Variants in HRH1 observed in about 807,000 individuals in gnomAD.
HRH1 encodes histamine receptor H1, also known as histamine H1 receptor.
Under a neutral mutation model 10.3 loss-of-function variants are expected in HRH1, and 6 were observed. The ratio of observed to expected loss-of-function variants is 0.58; its 90% CI spans 0.32 to 1.15. The LOEUF (loss-of-function observed/expected upper bound fraction) is 1.15, where lower values mean the gene tolerates loss of function less well. HRH1 is among the 50% of genes most tolerant of loss of function. The pLI, the probability that HRH1 is intolerant of heterozygous loss-of-function variation, is 0.05. For synonymous variants in HRH1, 242 were observed against 236.7 expected, an observed-to-expected ratio of 1.02 and a Z score of -0.21; for missense variants, 514 against 615.3, an observed-to-expected ratio of 0.84 and a Z score of 1.74.
At chr3:11,148,920 G>C (rs1168141388) in intron 1 of HRH1, among the ~76,000 whole-genome samples, 1 of 136,022 alleles carries the variant, frequency 7.4e-6, no homozygotes, top group African/African-American at 2.8e-5. Flanking sequence ...TAGCTTATTT[G>C]AATCTCTTTC....
intron 1 of HRH1, among the ~76,000 whole-genome samples, chr3:11,158,089 A>C (rs758344175): frequency 2.6e-5 from 4 of 152,262 alleles, no homozygotes; most frequent in Non-Finnish European, 5.9e-5. Context: ...ATTGGGCCTC[A>C]GCTTTCTTAT....
intron 1 of HRH1, among the ~76,000 whole-genome samples, chr3:11,148,721 C>G (rs547657966): frequency 6.6e-6 from 1 of 151,766 alleles, no homozygotes; most frequent in African/African-American, 2.4e-5. Flanking sequence ...AATTTGGTCA[C>G]GTGGCTGCAC....
At chr3:11,185,763 C>G (rs971284054) in intron 1 of HRH1, among the ~76,000 whole-genome samples, 4 of 152,250 alleles carry the variant, frequency 2.6e-5, no homozygotes, top group South Asian at 4.2e-4. Flanking sequence ...GTTTGTAAAC[C>G]CTGCGGTGTC....
At chr3:11,192,875 C>A (rs1300251728) in intron 1 of HRH1, among the ~76,000 whole-genome samples, 1 of 152,062 alleles carries the variant, frequency 6.6e-6, no homozygotes, top group African/African-American at 2.4e-5. Flanking sequence ...CTGGGCCTTG[C>A]CGTCTTGGGT....
chr3:11,251,661 T>C (rs1284530699), intron 1 of HRH1, among the ~76,000 whole-genome samples: 1 of 152,214 alleles, frequency 6.6e-6, no homozygotes. Context: ...TGCGTTTGAA[T>C]TTCCTGTTAA....
chr3:11,225,144 G>C (rs992045461), intron 1 of HRH1, among the ~76,000 whole-genome samples: 7 of 152,156 alleles, frequency 4.6e-5, no homozygotes, highest in Non-Finnish European at 8.8e-5. Flanking sequence ...TTGGGCCCCT[G>C]GAACTCATTT....
At chr3:11,237,849 T>G (rs1226794938) in intron 1 of HRH1, among the ~76,000 whole-genome samples, 1 of 151,864 alleles carries the variant, frequency 6.6e-6, no homozygotes, top group South Asian at 2.1e-4. Context: ...CTAATTTTTT[T>G]GTATTTTTAG....
intron 1 of HRH1, among the ~76,000 whole-genome samples, chr3:11,162,015 T>C (rs1173664447): frequency 6.6e-6 from 1 of 152,178 alleles, no homozygotes; most frequent in Non-Finnish European, 1.5e-5. Flanking sequence ...GTGGAGCGTG[T>C]GGGCTCGCAA....
intron 1 of HRH1, among the ~76,000 whole-genome samples, chr3:11,140,504 C>A (rs1175703499): frequency 6.6e-6 from 1 of 152,128 alleles, no homozygotes; most frequent in Non-Finnish European, 1.5e-5. Context: ...CTCGTACACC[C>A]TGGGAGCCCC....
intron 1 of HRH1, among the ~76,000 whole-genome samples, chr3:11,231,096 A>ATTTAT: frequency 6.6e-6 from 1 of 152,184 alleles, no homozygotes; most frequent in Non-Finnish European, 1.5e-5. Flanking sequence ...AATGTCACAC[A>ATTTAT]GTTAGTAACC....
At chr3:11,152,783 T>C (rs1011813408), upstream of HRH1, among the ~76,000 whole-genome samples, 1 of 151,976 alleles carries the variant, frequency 6.6e-6, no homozygotes, top group Non-Finnish European at 1.5e-5. Flanking sequence ...ATGGAGGCCC[T>C]GGAGAATCAC....
chr3:11,194,802 G>A (rs749572202), intron 1 of HRH1, among the ~76,000 whole-genome samples: 25 of 152,262 alleles, frequency 1.6e-4, no homozygotes, highest in Non-Finnish European at 2.8e-4. Flanking sequence ...GCGACAGAGC[G>A]CGACTCTGTC....
intron 1 of HRH1, among the ~76,000 whole-genome samples, chr3:11,230,842 A>AC (rs1939020505): frequency 6.6e-6 from 1 of 151,620 alleles, no homozygotes; most frequent in Non-Finnish European, 1.5e-5. Flanking sequence ...GTAGGAAATA[A>AC]TATAGAGGAA....
intron 1 of HRH1, among the ~76,000 whole-genome samples, chr3:11,229,002 T>TACAGGAA (rs1202134319): frequency 6.6e-6 from 1 of 151,488 alleles, no homozygotes; most frequent in Non-Finnish European, 1.5e-5. Context: ...AATGCTTAGA[T>TACAGGAA]ATGGCTAAGG....
intron 1 of HRH1, among the ~76,000 whole-genome samples, chr3:11,184,860 G>C (rs953892736): frequency 7.4e-5 from 11 of 149,048 alleles, no homozygotes; most frequent in African/African-American, 2.7e-4. Flanking sequence ...AGAGGTTGCA[G>C]TGAGCGGAGA....
intron 1 of HRH1, among the ~76,000 whole-genome samples, chr3:11,190,482 C>T (rs1231507188): frequency 6.6e-6 from 1 of 151,968 alleles, no homozygotes; most frequent in Non-Finnish European, 1.5e-5. Context: ...CCTCTGCCTC[C>T]CGAGTTCAAG....
chr3:11,182,696 C>G (rs1937380957), intron 1 of HRH1, among the ~76,000 whole-genome samples: 1 of 152,200 alleles, frequency 6.6e-6, no homozygotes, highest in South Asian at 2.1e-4. Context: ...TATGAAGCTT[C>G]TCCAGTGTGG....
intron 1 of HRH1, among the ~76,000 whole-genome samples, chr3:11,139,349 G>A (rs1244805408): frequency 6.6e-6 from 1 of 151,086 alleles, no homozygotes; most frequent in East Asian, 1.9e-4. Flanking sequence ...GTGCAATCTC[G>A]GCTCACTGCG....
At chr3:11,197,977 C>G (rs7633160) in intron 1 of HRH1, among the ~76,000 whole-genome samples, 74,908 of 151,868 alleles carry the variant, frequency 0.49, 19,033 homozygotes, top group Admixed American at 0.58. Flanking sequence ...AGGCTGCGCT[C>G]GACTCTGCTT....
Sources: gnomAD v4.1 joint callset for allele counts (sites outside exome capture counted in the v4.1 genomes callset) on GRCh38, gnomAD v4.1.1 for gene constraint, MANE v1.5 for transcripts, NCBI Gene and HGNC (gene_info 2026-07-23, HGNC 2026-07-21) for gene names.